HADHB: variants seen among roughly 807,000 people sequenced by gnomAD.
HADHB encodes hydroxyacyl-CoA dehydrogenase trifunctional multienzyme complex subunit beta.
HADHB carries 50 observed loss-of-function variants against 61.9 expected under a neutral mutation model. That is an observed-to-expected ratio of 0.81 (90% confidence interval 0.64 to 1.02). HADHB has a LOEUF of 1.02. Among genes scored for constraint, HADHB ranks in the 50% least tolerant of loss-of-function variants. The pLI, the probability that HADHB is intolerant of heterozygous loss-of-function variation, is 0.00. For synonymous variants in HADHB, 191 were observed against 201.6 expected, an observed-to-expected ratio of 0.95 and a Z score of 0.45; for missense variants, 504 against 586.5, an observed-to-expected ratio of 0.86 and a Z score of 1.45.
At position 26,285,552 on chromosome 2, in the gene HADHB, C is replaced by T. The variant is rs770530616; in HGVS notation, c.1370C>T (p.Ala457Val). 14 of 1,613,670 alleles carry T rather than the reference C, an allele frequency of 8.7e-6. No individual in the cohort carries two copies. The highest frequency in any genetic ancestry group is 1.1e-5 in the Non-Finnish European group (13 of 1,179,758). The change falls in exon 15 of 16, where the codon GCG (alanine) becomes GTG (valine). Residue 457 changes from alanine to valine, a missense_variant. Coordinates refer to ENST00000317799, the MANE Select transcript of HADHB (RefSeq NM_000183.3). ...GGAGGCCAGTATGGCTTAGTGGCTG[C>T]GTGTGCAGCTGGAGGGCAGGTACGT... ...KEGGQYGLVA[A>V]CAAGGQGHAM... is the part of the protein sequence containing the mutation.
intron 3 of HADHB, chr2:26,261,218 C>CT (rs1558346172): frequency 2.1e-6 from 1 of 474,768 alleles, no homozygotes; most frequent in Non-Finnish European, 3.7e-6. Context: ...AAATACCCCC[C>CT]CCCCATCCAG....
intron 10 of HADHB, among the ~76,000 whole-genome samples, chr2:26,281,167 T>C (rs1222539389): frequency 6.6e-6 from 1 of 152,060 alleles, no homozygotes; most frequent in Non-Finnish European, 1.5e-5. Context: ...TTCATATCCT[T>C]CCATGCTTTT....
intron 3 of HADHB, among the ~76,000 whole-genome samples, chr2:26,258,388 A>G (rs1671718806): frequency 6.6e-6 from 1 of 152,230 alleles, no homozygotes; most frequent in Non-Finnish European, 1.5e-5. Context: ...GCCATGGGTC[A>G]TGGAAGAGAA....
At chr2:26,255,452 T>C in intron 3 of HADHB, among the ~76,000 whole-genome samples, 1 of 146,382 alleles carries the variant, frequency 6.8e-6, no homozygotes, top group East Asian at 2.0e-4. Flanking sequence ...TGAGCCGAGG[T>C]CACACCACTG....
intron 1 of HADHB, among the ~76,000 whole-genome samples, chr2:26,254,025 G>A (rs1671511732): frequency 6.6e-6 from 1 of 152,056 alleles, no homozygotes; most frequent in Non-Finnish European, 1.5e-5. Context: ...GTAGGTCATT[G>A]TGAAGATTAG....
rs372496574 is a variant in HADHB at position 26,279,155 on chromosome 2, C to T, written c.651C>T (p.Phe217=). 3.1e-6 allele frequency: 5 copies of T among 1,613,880 alleles called. No homozygotes were observed. The African/African-American group carries it at 4.0e-5, about 13-fold the overall frequency. Residue 217 remains phenylalanine (F), a synonymous_variant, in exon 9 of 16, where the codon TTC becomes TTT. Coordinates refer to ENST00000317799, the MANE Select transcript of HADHB (RefSeq NM_000183.3). ...LAPELPAVSE[F]STSETMGHSA... ...CCCAGCTCCCTGCGGTTTCTGAGTT[C>T]TCCACCAGTGAGACCATGGGCCACT...
chr2:26,259,203 G>A (rs191365287), intron 3 of HADHB, among the ~76,000 whole-genome samples: 2 of 152,274 alleles, frequency 1.3e-5, no homozygotes, highest in Non-Finnish European at 2.9e-5. Flanking sequence ...ACCACCTGCC[G>A]GGTCTGTCCC....
At chr2:26,261,131 C>T in intron 3 of HADHB, 2 of 826,254 alleles carry the variant, frequency 2.4e-6, no homozygotes, top group Non-Finnish European at 4.0e-6. Context: ...CTATGGCTTC[C>T]CCTTTGGCAG....
chr2:26,275,794 A>G (rs1558355016), intron 6 of HADHB, among the ~76,000 whole-genome samples: 1 of 152,340 alleles, frequency 6.6e-6, no homozygotes, highest in Middle Eastern at 3.4e-3. Flanking sequence ...TTCTGTTTCT[A>G]TAGATTATGG....
At chr2:26,287,411 C>T (rs1673080556) in intron 15 of HADHB, among the ~76,000 whole-genome samples, 1 of 152,136 alleles carries the variant, frequency 6.6e-6, no homozygotes, top group African/African-American at 2.4e-5. Context: ...CTCTTCATGC[C>T]AGGCTTCTAC....
At position 26,251,661 on chromosome 2, in the gene HADHB, G is replaced by T. The variant is rs568998278; in HGVS notation, c.-8-2586G>T. On this transcript the variant is annotated intron_variant, in intron 1 of 15. Coordinates refer to ENST00000317799, the MANE Select transcript of HADHB (RefSeq NM_000183.3). Reference sequence around the variant, plus strand: ...TGGTGCCTCTCTCATGGGCCTCTTTGTGTTTCTCTGGCCAGAGTCCTTTGA... The same window carrying T: ...TGGTGCCTCTCTCATGGGCCTCTTTTTGTTTCTCTGGCCAGAGTCCTTTGA... Among the ~76,000 whole-genome samples the T allele has an allele frequency of 9.9e-5, 15 of 152,218 alleles. No individual in the cohort carries two copies. In the East Asian group the frequency reaches 2.9e-3, roughly 29 times the overall value.
At chr2:26,254,399 C>T (rs768493572) in intron 2 of HADHB, 31 bp from the exon 3 acceptor site, 6 of 1,575,692 alleles carry the variant, frequency 3.8e-6, no homozygotes, top group Non-Finnish European at 5.2e-6. Flanking sequence ...AATGGTATTG[C>T]TTTTTGTAAA....
intron 1 of HADHB, among the ~76,000 whole-genome samples, chr2:26,246,361 T>G (rs1291071462): frequency 6.6e-6 from 1 of 151,316 alleles, no homozygotes; most frequent in Non-Finnish European, 1.5e-5. Context: ...TTTTTTTTTT[T>G]GAGACAGTTT....
intron 5 of HADHB, among the ~76,000 whole-genome samples, chr2:26,270,878 C>CTTTT (rs1272001120): frequency 3.9e-5 from 5 of 128,170 alleles, no homozygotes; most frequent in East Asian, 2.2e-4. Context: ...TCTTCTGTAG[C>CTTTT]TTTTTTTTTT....
intron 1 of HADHB, among the ~76,000 whole-genome samples, chr2:26,247,432 C>T (rs549108737): frequency 6.6e-6 from 1 of 152,252 alleles, no homozygotes; most frequent in East Asian, 1.9e-4. Flanking sequence ...TCAGAAACTA[C>T]AGAAAAGTCT....
intron 4 of HADHB, among the ~76,000 whole-genome samples, 159 bp downstream of exon 4, chr2:26,263,638 A>G (rs1374591943): frequency 6.6e-6 from 1 of 152,236 alleles, no homozygotes; most frequent in East Asian, 1.9e-4. Flanking sequence ...GACAGTGGTG[A>G]AATAATATGG....
chr2:26,289,206 C>T (rs1483785586), intron 15 of HADHB, among the ~76,000 whole-genome samples: 1 of 151,968 alleles, frequency 6.6e-6, no homozygotes, highest in Non-Finnish European at 1.5e-5. Context: ...GCTGAGATCG[C>T]GTCACTGTAC....
At chr2:26,247,182 G>C (rs72849925) in intron 1 of HADHB, among the ~76,000 whole-genome samples, 10 of 152,048 alleles carry the variant, frequency 6.6e-5, no homozygotes, top group African/African-American at 2.4e-4. Flanking sequence ...CTGCAGCTTC[G>C]TGTATCTTTC....
intron 7 of HADHB, among the ~76,000 whole-genome samples, 174 bp from the exon 8 acceptor site, chr2:26,278,440 T>G (rs1672646201): frequency 6.6e-6 from 1 of 152,228 alleles, no homozygotes; most frequent in South Asian, 2.1e-4. Context: ...GTTGAATGTG[T>G]TTTTAGTCAT....
Sources: allele counts gnomAD v4.1 joint callset (sites outside exome capture counted in the v4.1 genomes callset), GRCh38; gene constraint gnomAD v4.1.1; transcripts MANE v1.5; gene names NCBI Gene and HGNC (gene_info 2026-07-23, HGNC 2026-07-21).